Variants in CHST12 observed in about 807,000 individuals in gnomAD.
The protein encoded by CHST12 is carbohydrate (chondroitin 4) sulfotransferase 12.
A neutral mutation model predicts 27.9 loss-of-function variants in CHST12; 23 were observed. The observed-to-expected ratio is 0.82, with a 90% CI of 0.59 to 1.17. The LOEUF is 1.17. CHST12 is among the 50% of genes most tolerant of loss of function. The pLI, the probability that CHST12 is intolerant of heterozygous loss-of-function variation, is 0.00. For missense variants in CHST12, 682 were observed against 603.0 expected, an observed-to-expected ratio of 1.13 and a Z score of -1.37; for synonymous variants, 322 against 273.0, an observed-to-expected ratio of 1.18 and a Z score of -1.77.
chr7:2,427,409 G>A (rs545598806), intron 1 of CHST12, among the ~76,000 whole-genome samples: 2 of 151,882 alleles, frequency 1.3e-5, no homozygotes, highest in South Asian at 4.2e-4. Context: ...GCTGAGACGG[G>A]AGGATCACTT....
At chr7:2,428,470 T>C (rs1232401279) in intron 1 of CHST12, among the ~76,000 whole-genome samples, 8 of 152,134 alleles carry the variant, frequency 5.3e-5, no homozygotes, top group Admixed American at 5.2e-4. Flanking sequence ...CGAGAAATAA[T>C]AGACACACAC....
chr7:2,406,780 C>T (rs2115379111), intron 1 of CHST12, among the ~76,000 whole-genome samples: 1 of 152,240 alleles, frequency 6.6e-6, no homozygotes, highest in East Asian at 1.9e-4. Context: ...AGGCATCAAG[C>T]TTTAAAAATC....
At chr7:2,407,940 T>A (rs564963649) in intron 1 of CHST12, among the ~76,000 whole-genome samples, 29 of 149,998 alleles carry the variant, frequency 1.9e-4, no homozygotes, top group Non-Finnish European at 3.1e-4. Context: ...AAATAAAATT[T>A]AAAAAATTAA....
At chr7:2,407,049 AT>A (rs1192901394) in intron 1 of CHST12, among the ~76,000 whole-genome samples, 1 of 152,126 alleles carries the variant, frequency 6.6e-6, no homozygotes, top group Admixed American at 6.6e-5. Context: ...AAAAAAAAAA[AT>A]AAAAGCAGAA....
chr7:2,404,893 A>G (rs1437356970), intron 1 of CHST12, among the ~76,000 whole-genome samples: 3 of 152,250 alleles, frequency 2.0e-5, no homozygotes, highest in African/African-American at 7.2e-5. Flanking sequence ...AAGCTGGGGT[A>G]GATGCCGGTA....
intron 1 of CHST12, among the ~76,000 whole-genome samples, chr7:2,421,402 T>C (rs943607495): frequency 2.2e-4 from 33 of 150,722 alleles, no homozygotes; most frequent in Middle Eastern, 3.2e-3. Context: ...CACACTACCA[T>C]GCCTGGCTAG....
chr7:2,420,492 G>T (rs1231555655), intron 1 of CHST12, among the ~76,000 whole-genome samples: 1 of 152,106 alleles, frequency 6.6e-6, no homozygotes, highest in African/African-American at 2.4e-5. Flanking sequence ...GTGTGGACAT[G>T]GGTGTGCAAG....
In CHST12 at chr7:2,433,284, C is replaced by T. The variant is rs149649742; in HGVS notation, c.645C>T (p.Thr215=). 3.7e-6 allele frequency: 6 copies of T among 1,612,198 alleles called. No individual in the cohort carries two copies. The highest frequency in any genetic ancestry group is 2.2e-5 in the East Asian group (1 of 44,836). ...EHVHNASAHL[T]FNKFWRRYGK... ...TGCACAACGCCAGCGCGCACCTGAC[C>T]TTCAACAAGTTCTGGCGCCGCTACG... Residue 215 remains threonine (T), a synonymous_variant, in exon 2 of 2, where the codon ACC becomes ACT. Coordinates refer to ENST00000618655, the MANE Select transcript of CHST12 (RefSeq NM_018641.5). The surrounding 1 kb of genome is among the most constrained non-coding windows in gnomAD (Gnocchi z 6.1).
chr7:2,421,826 A>C (rs1781983714), intron 1 of CHST12, among the ~76,000 whole-genome samples: 1 of 152,084 alleles, frequency 6.6e-6, no homozygotes, highest in Non-Finnish European at 1.5e-5. Context: ...TCAGCCTCCC[A>C]AAGTGCTGGG....
chr7:2,439,707 G>A lies in CHST12; in HGVS notation c.*5823G>A, dbSNP rs1782555062. ...ATCCTGGATAACATGGTGAAACCCC[G>A]TCTCTACTAAAATACAAAAAAATTA... is the stretch of plus-strand genomic sequence containing the variant. On this transcript the variant is annotated 3_prime_UTR_variant, in exon 2 of 2. Transcript: ENST00000618655. 6.6e-6 allele frequency: 1 copy of A among 151,634 alleles called. No individual in the cohort carries two copies. The allele number at this position is 151,634 out of a possible 1,614,324, so 9.4% of individuals were successfully genotyped here. A position where few individuals can be genotyped will look rare whatever the true frequency, so the allele number is the denominator to read the frequency against.
At position 2,434,209 on chromosome 7, in the gene CHST12, G is replaced by T; in HGVS notation, c.*325G>T. The T allele has an allele frequency of 8.8e-6, 2 of 226,828 alleles. No individual in the cohort carries two copies. Among genetic ancestry groups the T allele is most frequent in the Non-Finnish European group, 9.5e-6 (1 of 105,122 alleles). The allele number at this position is 226,828 out of a possible 1,614,324, so 14.1% of individuals were successfully genotyped here. A position where few individuals can be genotyped will look rare whatever the true frequency, so the allele number is the denominator to read the frequency against. On this transcript the variant is annotated 3_prime_UTR_variant, in exon 2 of 2. Coordinates refer to ENST00000618655, the MANE Select transcript of CHST12 (RefSeq NM_018641.5). ...TGAGGCTGATGGAGCTGCCTCCAGG[G>T]CTAGGGCCACTCACCGGAGGAGGGC...
intron 1 of CHST12, among the ~76,000 whole-genome samples, chr7:2,429,374 C>A (rs1782214416): frequency 6.6e-6 from 1 of 152,082 alleles, no homozygotes; most frequent in African/African-American, 2.4e-5. Context: ...CGACGCCCGG[C>A]CTCTTTTTTT....
intron 1 of CHST12, among the ~76,000 whole-genome samples, chr7:2,421,746 A>AT (rs1562514496): frequency 6.6e-6 from 1 of 150,672 alleles, no homozygotes; most frequent in African/African-American, 2.4e-5. Context: ...CTTTTTAAAC[A>AT]TTTTTTATAG....
At chr7:2,421,351 T>C (rs1179227955) in intron 1 of CHST12, among the ~76,000 whole-genome samples, 4 of 146,662 alleles carry the variant, frequency 2.7e-5, no homozygotes, top group African/African-American at 5.0e-5. Context: ...GCTCAAGCAA[T>C]CCTCTCACCT....
At chr7:2,406,725 C>A (rs903730899) in intron 1 of CHST12, among the ~76,000 whole-genome samples, 1 of 152,108 alleles carries the variant, frequency 6.6e-6, no homozygotes, top group African/African-American at 2.4e-5. Flanking sequence ...CAGCTGGATC[C>A]CTTGCTAACG....
rs201286862 is a variant in CHST12, at chr7:2,428,198, T to TC, written c.-77-4365_-77-4364insC. Among the ~76,000 whole-genome samples the TC allele has an allele frequency of 9.7e-3, 874 of 90,092 alleles. 10 individuals carry two copies. The highest frequency in any genetic ancestry group is 0.049 in the African/African-American group (821 of 16,852). The allele number at this position is 90,092 out of a possible 152,430, so 59.1% of individuals were successfully genotyped here. ...ATTGGCCTGTAGCTTTCTCTCTCTCTTTTTTTTTTTTTTTGAGACAGAGTC... is the reference window on the plus strand; with the variant it reads ...ATTGGCCTGTAGCTTTCTCTCTCTCTCTTTTTTTTTTTTTTGAGACAGAGTC... On this transcript the variant is annotated intron_variant, in intron 1 of 1. Coordinates refer to ENST00000618655, the MANE Select transcript of CHST12 (RefSeq NM_018641.5).
At chr7:2,417,774 C>A (rs1309657983) in intron 1 of CHST12, among the ~76,000 whole-genome samples, 2 of 152,170 alleles carry the variant, frequency 1.3e-5, no homozygotes, top group East Asian at 3.9e-4. Flanking sequence ...TATCTCAGTT[C>A]ACCCATTTGG....
chr7:2,414,070 T>C (rs1781740459), intron 1 of CHST12, among the ~76,000 whole-genome samples: 1 of 152,162 alleles, frequency 6.6e-6, no homozygotes, highest in African/African-American at 2.4e-5. Flanking sequence ...TGACTAATGA[T>C]GATGAGCACT....
rs997877322 is a variant in CHST12, at chr7:2,436,509, G to C, written c.*2625G>C. ...TGGAAGAGGCATGGTTTGTTTATCTGTTCATCAGTTGGTGGACACTGAGTT... is the reference window on the plus strand; with the variant it reads ...TGGAAGAGGCATGGTTTGTTTATCTCTTCATCAGTTGGTGGACACTGAGTT... On this transcript the variant is annotated 3_prime_UTR_variant, in exon 2 of 2. Coordinates refer to ENST00000618655, the MANE Select transcript of CHST12 (RefSeq NM_018641.5). 2.0e-5 allele frequency: 3 copies of C among 152,242 alleles called. No individual in the cohort carries two copies. Among genetic ancestry groups the C allele is most frequent in the Admixed American group, 2.0e-4 (3 of 15,268 alleles). 9.4% of individuals were successfully genotyped at this position (152,242 alleles called of 1,614,324 possible).
Sources: gnomAD v4.1 joint callset for allele counts (sites outside exome capture counted in the v4.1 genomes callset) on GRCh38, gnomAD v4.1.1 for gene constraint, Gnocchi (gnomAD v3.1) non-coding constraint, MANE v1.5 for transcripts, NCBI Gene and HGNC (gene_info 2026-07-23, HGNC 2026-07-21) for gene names.